The following CSMD1 variants were observed in gnomAD, a reference collection of about 807,000 sequenced individuals.
The protein encoded by CSMD1 is CUB and sushi domain-containing protein 1.
CSMD1 carries 213 observed loss-of-function variants against 417.5 expected under a neutral mutation model. The ratio of observed to expected loss-of-function variants is 0.51; its 90% CI spans 0.46 to 0.57. CSMD1 has a LOEUF of 0.57. CSMD1 is among the 20% of genes least tolerant of loss of function. The pLI, the probability that CSMD1 is intolerant of heterozygous loss-of-function variation, is 0.00. For missense variants in CSMD1, 6,923 were observed against 4,529.7 expected (o/e 1.53, Z -15.17); for synonymous variants, 2,862 against 1,736.8 (o/e 1.65, Z -16.11).
At chr8:3,321,692 GTGTC>G (rs60857540) in intron 23 of CSMD1, among the ~76,000 whole-genome samples, 8,073 of 152,168 alleles carry the variant, frequency 0.053, 374 homozygotes, top group East Asian at 0.17. Context: ...TCTAGACAAT[GTGTC>G]TGTAAGTGCT....
Position 4,866,077 on chromosome 8 carries a change from T to G in CSMD1, c.85+128255A>C, listed in dbSNP as rs192038316. Among the ~76,000 whole-genome samples the G allele has an allele frequency of 2.1e-3, 319 of 152,102 alleles. 2 individuals are homozygous for G. Among genetic ancestry groups the G allele is most frequent in the African/African-American group, 7.5e-3 (311 of 41,500 alleles). ...ACACCTTAATGGTTCTGTGCCTATG[T>G]GAACCATCAATAACAGTAATCCAAC... On this transcript the variant is annotated intron_variant, in intron 1 of 69. Coordinates refer to ENST00000635120, the MANE Select transcript of CSMD1 (RefSeq NM_033225.6).
chr8:3,447,854 G>A (rs914275373), intron 12 of CSMD1, among the ~76,000 whole-genome samples: 2 of 152,082 alleles, frequency 1.3e-5, no homozygotes, highest in Non-Finnish European at 2.9e-5. Flanking sequence ...CATCGGAGGT[G>A]TCTTTACTCT....
intron 23 of CSMD1, among the ~76,000 whole-genome samples, chr8:3,326,438 G>C (rs1178377284): frequency 1.3e-5 from 2 of 152,188 alleles, no homozygotes; most frequent in Non-Finnish European, 2.9e-5. Context: ...ACGAAGGTAT[G>C]AGGTGTTTCG....
chr8:4,904,030 T>C (rs189392360), intron 1 of CSMD1, among the ~76,000 whole-genome samples: 55 of 152,342 alleles, frequency 3.6e-4, no homozygotes, highest in African/African-American at 1.3e-3. Flanking sequence ...TTAATACTTT[T>C]TTTGGAGGAC....
chr8:3,554,336 C>G (rs937446244), intron 10 of CSMD1, among the ~76,000 whole-genome samples: 1 of 152,188 alleles, frequency 6.6e-6, no homozygotes, highest in Non-Finnish European at 1.5e-5. Context: ...TGAGAAATAA[C>G]TACAGAAGAC....
At position 3,412,006 on chromosome 8, in the gene CSMD1, A is replaced by ATG. The variant is rs1812806835; in HGVS notation, c.1562-2402_1562-2401insCA. Among the ~76,000 whole-genome samples, 3 of 27,796 alleles carry ATG rather than the reference A, an allele frequency of 1.1e-4. 1 individual carries two copies. The highest frequency in any genetic ancestry group is 2.4e-4 in the Non-Finnish European group (3 of 12,588). 18.2% of individuals were successfully genotyped at this position (27,796 alleles called of 152,430 possible). A position where few individuals can be genotyped will look rare whatever the true frequency, so the allele number is the denominator to read the frequency against. On this transcript the variant is annotated intron_variant, in intron 12 of 69. Coordinates refer to ENST00000635120, the MANE Select transcript of CSMD1 (RefSeq NM_033225.6). The stretch of plus-strand genomic sequence containing the variant: ...CGTATATATACGTGTATATACACGT[A>ATG]TATATATACATATACACACGTATAT...
chr8:3,743,951 C>A (rs1796938386), intron 6 of CSMD1, among the ~76,000 whole-genome samples: 1 of 152,022 alleles, frequency 6.6e-6, no homozygotes, highest in African/African-American at 2.4e-5. Flanking sequence ...AATCACTGAC[C>A]CAGACAGAGG....
At chr8:4,418,707 T>C in intron 3 of CSMD1, among the ~76,000 whole-genome samples, 1 of 152,296 alleles carries the variant, frequency 6.6e-6, no homozygotes, top group East Asian at 1.9e-4. Context: ...TACATTGATA[T>C]CATCAATGAT....
chr8:4,516,275 G>A (rs533123028), intron 2 of CSMD1, among the ~76,000 whole-genome samples: 9 of 152,198 alleles, frequency 5.9e-5, no homozygotes, highest in Middle Eastern at 3.4e-3. Flanking sequence ...GGGGCCTCAG[G>A]AGAAACCAAC....
intron 54 of CSMD1, among the ~76,000 whole-genome samples, chr8:2,996,744 T>G (rs1806932510): frequency 6.6e-6 from 1 of 152,242 alleles, no homozygotes; most frequent in East Asian, 1.9e-4. Flanking sequence ...TTCTCGTGAT[T>G]GTGAAACTAA....
At chr8:3,646,888 G>C (rs934961761) in intron 7 of CSMD1, among the ~76,000 whole-genome samples, 6 of 152,056 alleles carry the variant, frequency 3.9e-5, no homozygotes, top group Non-Finnish European at 8.8e-5. Context: ...TGTTCCTCTA[G>C]TTTTGATGAG....
At chr8:3,195,145 C>G (rs1045859503) in intron 33 of CSMD1, among the ~76,000 whole-genome samples, 13 of 152,012 alleles carry the variant, frequency 8.6e-5, no homozygotes, top group African/African-American at 3.1e-4. Flanking sequence ...ATGAAAACAG[C>G]CAGGCATAAA....
intron 5 of CSMD1, among the ~76,000 whole-genome samples, chr8:3,927,820 T>C (rs1809852607): frequency 6.6e-6 from 1 of 152,204 alleles, no homozygotes; most frequent in Non-Finnish European, 1.5e-5. Flanking sequence ...TTTAAAAATA[T>C]GTCTCTCAGT....
intron 8 of CSMD1, among the ~76,000 whole-genome samples, chr8:3,592,252 G>A (rs1000156181): frequency 9.9e-5 from 15 of 152,072 alleles, no homozygotes; most frequent in Admixed American, 5.2e-4. Flanking sequence ...GATAGCTATA[G>A]AAAGACAGAT....
chr8:3,455,520 T>G (rs1409687802), intron 12 of CSMD1, among the ~76,000 whole-genome samples: 1 of 152,244 alleles, frequency 6.6e-6, no homozygotes, highest in African/African-American at 2.4e-5. Context: ...TTGTTAGTTT[T>G]CCTTCTAACA....
chr8:3,902,371 T>G (rs1055539455), intron 5 of CSMD1, among the ~76,000 whole-genome samples: 76 of 152,308 alleles, frequency 5.0e-4, no homozygotes, highest in East Asian at 2.3e-3. Context: ...CAAAAACATG[T>G]GATCTGAGGC....
chr8:4,312,974 G>C (rs1261232651), intron 3 of CSMD1, among the ~76,000 whole-genome samples: 1 of 152,194 alleles, frequency 6.6e-6, no homozygotes, highest in South Asian at 2.1e-4. Flanking sequence ...TGACCTGCAA[G>C]GTAAGTTTTG....
intron 2 of CSMD1, among the ~76,000 whole-genome samples, chr8:4,632,325 C>T (rs1299519889): frequency 6.6e-6 from 1 of 152,014 alleles, no homozygotes; most frequent in Non-Finnish European, 1.5e-5. Context: ...CCAGCCTGGC[C>T]AACATGGTGA....
intron 25 of CSMD1, among the ~76,000 whole-genome samples, chr8:3,287,731 A>G (rs1390875473): frequency 1.3e-5 from 2 of 152,148 alleles, no homozygotes; most frequent in South Asian, 4.1e-4. Flanking sequence ...CTCCATATAC[A>G]ATCACGTCAT....
Sources: gnomAD v4.1 joint callset for allele counts (sites outside exome capture counted in the v4.1 genomes callset) on GRCh38, gnomAD v4.1.1 for gene constraint, MANE v1.5 for transcripts, NCBI Gene and HGNC (gene_info 2026-07-23, HGNC 2026-07-21) for gene names.